Variants in DPYD observed in about 807,000 individuals in gnomAD.
DPYD encodes dihydropyrimidine dehydrogenase [NADP(+)].
DPYD carries 109 observed loss-of-function variants against 116.2 expected under a neutral mutation model. The ratio of observed to expected loss-of-function variants is 0.94; its 90% CI spans 0.80 to 1.10. The LOEUF (loss-of-function observed/expected upper bound fraction) is 1.10, where lower values mean the gene tolerates loss of function less well. DPYD is among the 50% of genes least tolerant of loss of function. The pLI, the probability that DPYD is intolerant of heterozygous loss-of-function variation, is 0.00. For synonymous variants in DPYD, 440 were observed against 432.0 expected (o/e 1.02, Z -0.23); for missense variants, 1,302 against 1,254.5 (o/e 1.04, Z -0.57).
chr1:97,177,051 C>T (rs1489035770), intron 20 of DPYD, among the ~76,000 whole-genome samples: 1 of 152,110 alleles, frequency 6.6e-6, no homozygotes, highest in Non-Finnish European at 1.5e-5. Flanking sequence ...GGAAAACATT[C>T]TGAAACTCAT....
intron 2 of DPYD, among the ~76,000 whole-genome samples, chr1:97,835,578 T>C (rs1447127832): frequency 1.3e-5 from 2 of 152,096 alleles, no homozygotes; most frequent in Non-Finnish European, 2.9e-5. Context: ...CATTCCTATA[T>C]CTATGAGAGG....
At chr1:97,863,517 TC>T (rs1337127695) in intron 2 of DPYD, among the ~76,000 whole-genome samples, 1 of 151,810 alleles carries the variant, frequency 6.6e-6, no homozygotes, top group Non-Finnish European at 1.5e-5. Flanking sequence ...GTAGTAAATG[TC>T]CTTAGAAAAA....
intron 5 of DPYD, among the ~76,000 whole-genome samples, chr1:97,714,791 A>G (rs1416648756): frequency 1.3e-5 from 2 of 152,120 alleles, no homozygotes; most frequent in Non-Finnish European, 2.9e-5. Context: ...CTAGCCTAGA[A>G]GATGCAACAG....
chr1:97,081,912 T>C (rs1459657612), intron 22 of DPYD, among the ~76,000 whole-genome samples: 1 of 152,040 alleles, frequency 6.6e-6, no homozygotes, highest in Admixed American at 6.6e-5. Context: ...GCCTAATCAA[T>C]ACTGAATGGA....
At chr1:97,770,906 A>C (rs965927463) in intron 3 of DPYD, among the ~76,000 whole-genome samples, 4 of 152,354 alleles carry the variant, frequency 2.6e-5, no homozygotes, top group African/African-American at 7.2e-5. Flanking sequence ...AAGTATTATA[A>C]ACTAGTCATT....
chr1:97,334,923 G>A (rs1371584305), intron 16 of DPYD, among the ~76,000 whole-genome samples: 5 of 152,146 alleles, frequency 3.3e-5, no homozygotes, highest in African/African-American at 9.7e-5. Flanking sequence ...AAGAGAGCCC[G>A]GTGCATATTG....
chr1:97,873,610 T>C (rs1671765187), intron 2 of DPYD, among the ~76,000 whole-genome samples: 1 of 151,464 alleles, frequency 6.6e-6, no homozygotes, highest in Admixed American at 6.6e-5. Flanking sequence ...TATGTGTAGA[T>C]TGAGCAATTC....
intron 8 of DPYD, among the ~76,000 whole-genome samples, chr1:97,619,540 A>G (rs1656504819): frequency 6.6e-6 from 1 of 152,180 alleles, no homozygotes; most frequent in Non-Finnish European, 1.5e-5. Context: ...TGTATTGCCT[A>G]TATTAAATCC....
At chr1:97,418,981 T>C (rs1297688359) in intron 14 of DPYD, among the ~76,000 whole-genome samples, 1 of 152,176 alleles carries the variant, frequency 6.6e-6, no homozygotes, top group Admixed American at 6.5e-5. Context: ...AAGGCTCTTA[T>C]AACCTCTAAC....
At chr1:97,272,847 T>A (rs555189527) in intron 18 of DPYD, among the ~76,000 whole-genome samples, 2 of 152,244 alleles carry the variant, frequency 1.3e-5, no homozygotes, top group South Asian at 4.1e-4. Context: ...TTATAAGGTG[T>A]CTCTGAGATC....
chr1:97,265,926 A>G (rs1664198820), intron 18 of DPYD, among the ~76,000 whole-genome samples: 1 of 152,170 alleles, frequency 6.6e-6, no homozygotes, highest in South Asian at 2.1e-4. Context: ...GAAGTTTACA[A>G]ATTAAACTTT....
intron 3 of DPYD, among the ~76,000 whole-genome samples, chr1:97,817,236 T>C (rs1327705059): frequency 1.3e-5 from 2 of 152,124 alleles, no homozygotes; most frequent in Non-Finnish European, 2.9e-5. Context: ...TCTGGCCTTT[T>C]ACAATAAAAT....
At chr1:97,753,049 T>G (rs1405106537) in intron 3 of DPYD, among the ~76,000 whole-genome samples, 1 of 152,244 alleles carries the variant, frequency 6.6e-6, no homozygotes, top group Non-Finnish European at 1.5e-5. Flanking sequence ...ACATTATATT[T>G]AATTTATTTA....
intron 1 of DPYD, among the ~76,000 whole-genome samples, chr1:97,914,006 G>T (rs76003396): frequency 6.6e-6 from 1 of 151,986 alleles, no homozygotes; most frequent in African/African-American, 2.4e-5. Flanking sequence ...TCAGTCAAGA[G>T]TGCCTCAAGG....
intron 20 of DPYD, among the ~76,000 whole-genome samples, chr1:97,155,111 G>A (rs1455359862): frequency 6.6e-6 from 1 of 152,068 alleles, no homozygotes; most frequent in Non-Finnish European, 1.5e-5. Context: ...CCTCTTTGCA[G>A]GGAACGTATA....
At chr1:97,312,291 A>G (rs901126325) in intron 16 of DPYD, among the ~76,000 whole-genome samples, 1 of 151,884 alleles carries the variant, frequency 6.6e-6, no homozygotes, top group Admixed American at 6.6e-5. Flanking sequence ...GTTGCAAAGA[A>G]ACAGGCATTC....
intron 3 of DPYD, among the ~76,000 whole-genome samples, chr1:97,810,304 A>G (rs1397543924): frequency 1.3e-5 from 2 of 151,182 alleles, no homozygotes; most frequent in Non-Finnish European, 1.5e-5. Flanking sequence ...AAAAAAAAAA[A>G]AAGAAGCATC....
intron 16 of DPYD, among the ~76,000 whole-genome samples, chr1:97,317,395 G>C (rs61787962): frequency 0.24 from 36,438 of 151,868 alleles, 5,471 homozygotes; most frequent in Admixed American, 0.39. Context: ...AAAGACCTCA[G>C]TGGGTTATGA....
At chr1:97,409,797 C>T (rs964173517) in intron 14 of DPYD, among the ~76,000 whole-genome samples, 1 of 152,102 alleles carries the variant, frequency 6.6e-6, no homozygotes. Context: ...CTCAGTGGCA[C>T]TCTTTAAAAC....
Sources: allele counts gnomAD v4.1 joint callset (sites outside exome capture counted in the v4.1 genomes callset), GRCh38; gene constraint gnomAD v4.1.1; transcripts MANE v1.5; gene names NCBI Gene and HGNC (gene_info 2026-07-23, HGNC 2026-07-21).